Variants in SGCZ observed in about 807,000 individuals in gnomAD.
SGCZ encodes zeta-sarcoglycan.
SGCZ carries 40 observed loss-of-function variants against 41.3 expected under a neutral mutation model. The observed-to-expected ratio is 0.97, with a 90% CI of 0.75 to 1.26. The LOEUF (loss-of-function observed/expected upper bound fraction) is 1.26. SGCZ is among the 50% of genes most tolerant of loss of function. The pLI, the probability that SGCZ is intolerant of heterozygous loss-of-function variation, is 0.00. For synonymous variants in SGCZ, 206 were observed against 137.5 expected (o/e 1.50, Z -3.49); for missense variants, 552 against 369.8 (o/e 1.49, Z -4.04).
intron 1 of SGCZ, among the ~76,000 whole-genome samples, chr8:14,948,236 T>C (rs1800517289): frequency 6.6e-6 from 1 of 152,144 alleles, no homozygotes; most frequent in Non-Finnish European, 1.5e-5. Flanking sequence ...TATTGCCTAG[T>C]TAGTTGAAAC....
chr8:14,838,614 G>T (rs1422274988), intron 1 of SGCZ, among the ~76,000 whole-genome samples: 2 of 152,132 alleles, frequency 1.3e-5, no homozygotes, highest in Non-Finnish European at 2.9e-5. Flanking sequence ...AGAATTCCCA[G>T]TGAAGGCTCT....
chr8:14,986,173 C>A (rs1386562879), intron 1 of SGCZ, among the ~76,000 whole-genome samples: 2 of 151,918 alleles, frequency 1.3e-5, no homozygotes, highest in African/African-American at 4.8e-5. Context: ...AGGTATGGAA[C>A]ATTTTTAAGT....
At chr8:14,377,065 C>G (rs926667055) in intron 2 of SGCZ, among the ~76,000 whole-genome samples, 10 of 152,122 alleles carry the variant, frequency 6.6e-5, no homozygotes, top group African/African-American at 2.2e-4. Context: ...GAAGGTGACT[C>G]TTGATGGGCC....
intron 1 of SGCZ, among the ~76,000 whole-genome samples, chr8:14,571,058 T>A (rs1251626067): frequency 6.6e-6 from 1 of 152,142 alleles, no homozygotes; most frequent in Non-Finnish European, 1.5e-5. Context: ...GAGACTGGGT[T>A]TATAAAGGAA....
intron 2 of SGCZ, among the ~76,000 whole-genome samples, chr8:14,358,051 G>A (rs947182127): frequency 1.1e-4 from 16 of 152,018 alleles, no homozygotes; most frequent in African/African-American, 3.9e-4. Flanking sequence ...ATGTATTCGT[G>A]CACTCACTCA....
At chr8:15,174,386 T>C (rs1799938125) in intron 1 of SGCZ, among the ~76,000 whole-genome samples, 1 of 152,240 alleles carries the variant, frequency 6.6e-6, no homozygotes, top group South Asian at 2.1e-4. Flanking sequence ...AAACATTGTA[T>C]ATAACCCCAG....
At chr8:14,897,723 C>A (rs556081108) in intron 1 of SGCZ, among the ~76,000 whole-genome samples, 1 of 152,300 alleles carries the variant, frequency 6.6e-6, no homozygotes, top group Admixed American at 6.5e-5. Context: ...TGTATTATAT[C>A]AACAAATGGC....
chr8:15,145,355 G>A (rs1799009366), intron 1 of SGCZ, among the ~76,000 whole-genome samples: 1 of 152,192 alleles, frequency 6.6e-6, no homozygotes, highest in Non-Finnish European at 1.5e-5. Flanking sequence ...TCAAATGAAA[G>A]AGACATTCCA....
At chr8:14,371,500 C>G (rs1230423432) in intron 2 of SGCZ, among the ~76,000 whole-genome samples, 3 of 150,592 alleles carry the variant, frequency 2.0e-5, no homozygotes, top group Non-Finnish European at 4.4e-5. Context: ...TAATTTTATC[C>G]TAAATTTCGT....
chr8:14,326,073 C>T (rs943805408), intron 2 of SGCZ, among the ~76,000 whole-genome samples: 3 of 114,930 alleles, frequency 2.6e-5, no homozygotes, highest in Non-Finnish European at 3.3e-5. Context: ...GATCGCTCCA[C>T]TGAACTCCAG....
intron 1 of SGCZ, among the ~76,000 whole-genome samples, chr8:14,973,820 A>T (rs910171650): frequency 3.9e-5 from 6 of 152,174 alleles, no homozygotes; most frequent in African/African-American, 1.4e-4. Context: ...CTTTAATATT[A>T]TTCTTGCAGG....
chr8:14,206,118 A>T (rs1487662108), intron 4 of SGCZ, among the ~76,000 whole-genome samples: 1 of 152,128 alleles, frequency 6.6e-6, no homozygotes, highest in African/African-American at 2.4e-5. Flanking sequence ...TGTACAAATA[A>T]TTTTTATGTT....
intron 5 of SGCZ, among the ~76,000 whole-genome samples, chr8:14,141,563 A>C (rs1445797873): frequency 6.6e-6 from 1 of 152,246 alleles, no homozygotes; most frequent in African/African-American, 2.4e-5. Flanking sequence ...ACACATGCAA[A>C]AAGGCTCATC....
chr8:14,170,253 C>A (rs1804337975), intron 4 of SGCZ, among the ~76,000 whole-genome samples: 1 of 152,030 alleles, frequency 6.6e-6, no homozygotes, highest in Admixed American at 6.6e-5. Context: ...CTAGCATTTC[C>A]TGAAGTAATG....
Position 14,475,470 on chromosome 8 carries a change from T to C in SGCZ, c.234+79262A>G, listed in dbSNP as rs542080801. Among the ~76,000 whole-genome samples the C allele has an allele frequency of 8.5e-5, 13 of 152,302 alleles. No homozygotes were observed. In the South Asian group the frequency reaches 2.7e-3, roughly 32 times the overall value. On this transcript the variant is annotated intron_variant, in intron 2 of 7. Coordinates refer to ENST00000382080, the MANE Select transcript of SGCZ (RefSeq NM_139167.4). Reference sequence around the variant, plus strand: ...ATATCCATGCATGATTCATTTTTCATTCCAGTGATTGTTATTAAAGCAAAA... The same window carrying C: ...ATATCCATGCATGATTCATTTTTCACTCCAGTGATTGTTATTAAAGCAAAA...
intron 1 of SGCZ, among the ~76,000 whole-genome samples, chr8:14,831,838 G>A (rs1346194257): frequency 1.3e-5 from 2 of 151,918 alleles, no homozygotes; most frequent in African/African-American, 2.4e-5. Context: ...ATATATGTGT[G>A]CACATACATG....
intron 2 of SGCZ, among the ~76,000 whole-genome samples, chr8:14,544,302 A>C (rs960100832): frequency 1.3e-5 from 2 of 152,182 alleles, no homozygotes; most frequent in African/African-American, 4.8e-5. Context: ...AACTGTGGTA[A>C]CTGTACAAAT....
At chr8:14,870,329 A>G (rs1056013638) in intron 1 of SGCZ, among the ~76,000 whole-genome samples, 2 of 152,228 alleles carry the variant, frequency 1.3e-5, no homozygotes, top group South Asian at 4.1e-4. Flanking sequence ...CATCCCTACT[A>G]CAACAATCTG....
At chr8:14,904,578 G>A (rs749997772) in intron 1 of SGCZ, among the ~76,000 whole-genome samples, 9 of 151,720 alleles carry the variant, frequency 5.9e-5, no homozygotes, top group Non-Finnish European at 1.2e-4. Flanking sequence ...CTGTAAAATG[G>A]TATTCATATC....
Sources: allele counts gnomAD v4.1 joint callset (sites outside exome capture counted in the v4.1 genomes callset), GRCh38; gene constraint gnomAD v4.1.1; transcripts MANE v1.5; gene names NCBI Gene and HGNC (gene_info 2026-07-23, HGNC 2026-07-21).